Variants in DTNA observed in about 807,000 individuals in gnomAD.
DTNA encodes dystrophin-related protein 3.
In DTNA, 43 loss-of-function variants were observed where a neutral mutation model predicts 100.7. The ratio of observed to expected loss-of-function variants is 0.43; its 90% CI spans 0.33 to 0.55. DTNA has a LOEUF of 0.55. Ranked by LOEUF, DTNA falls within the 20% of genes least tolerant of loss-of-function variation. The probability of loss-of-function intolerance (pLI) is 0.04; values close to 1 mark genes in which losing one functional copy is unlikely to be tolerated. For synonymous variants in DTNA, 349 were observed against 347.9 expected, an observed-to-expected ratio of 1.00 and a Z score of -0.04; for missense variants, 798 against 953.9, an observed-to-expected ratio of 0.84 and a Z score of 2.15.
At chr18:34,787,545 A>G (rs2094549727) in intron 3 of DTNA, among the ~76,000 whole-genome samples, 1 of 152,194 alleles carries the variant, frequency 6.6e-6, no homozygotes, top group Non-Finnish European at 1.5e-5. Flanking sequence ...TACTATTTCT[A>G]ATAAAGTTTA....
chr18:34,623,722 G>T (rs2056896458), intron 1 of DTNA, among the ~76,000 whole-genome samples: 1 of 152,192 alleles, frequency 6.6e-6, no homozygotes, highest in Non-Finnish European at 1.5e-5. Flanking sequence ...GCCTAGTGAG[G>T]AAACTAAGAG....
At chr18:34,604,104 C>T (rs1203137565) in intron 1 of DTNA, among the ~76,000 whole-genome samples, 10 of 152,086 alleles carry the variant, frequency 6.6e-5, no homozygotes, top group Admixed American at 5.2e-4. Context: ...GTTATACTAC[C>T]AGCAACTCCA....
upstream of DTNA, among the ~76,000 whole-genome samples, chr18:34,707,696 G>C (rs962890371): frequency 3.3e-5 from 5 of 152,202 alleles, no homozygotes; most frequent in Admixed American, 1.3e-4. Flanking sequence ...AATGCAGTCA[G>C]TGAGAGTCTC....
At chr18:34,872,834 G>A (rs1424947519) in intron 17 of DTNA, among the ~76,000 whole-genome samples, 1 of 152,208 alleles carries the variant, frequency 6.6e-6, no homozygotes, top group Non-Finnish European at 1.5e-5. Context: ...TAGTAGTGAA[G>A]CATAGATGGA....
chr18:34,887,303 G>A (rs1021632096), intron 22 of DTNA, among the ~76,000 whole-genome samples: 2 of 152,184 alleles, frequency 1.3e-5, no homozygotes, highest in African/African-American at 4.8e-5. Flanking sequence ...AGCCCATTTA[G>A]GTATTCAATT....
chr18:34,783,021 G>A (rs935783704), intron 3 of DTNA, among the ~76,000 whole-genome samples: 7 of 152,162 alleles, frequency 4.6e-5, no homozygotes, highest in African/African-American at 1.7e-4. Flanking sequence ...CTGTCCACAG[G>A]AGAAATAAGA....
At chr18:34,863,535 A>T (rs2096656467) in intron 16 of DTNA, among the ~76,000 whole-genome samples, 1 of 152,196 alleles carries the variant, frequency 6.6e-6, no homozygotes, top group Admixed American at 6.5e-5. Context: ...ATTTCCAAAT[A>T]CTAAGGTAAT....
At chr18:34,612,607 GTA>G (rs1404384965) in intron 1 of DTNA, among the ~76,000 whole-genome samples, 1 of 152,114 alleles carries the variant, frequency 6.6e-6, no homozygotes, top group African/African-American at 2.4e-5. Context: ...AACAGGGAGA[GTA>G]TTTTCTGCCT....
At chr18:34,505,058 T>C (rs1454926573) in intron 1 of DTNA, among the ~76,000 whole-genome samples, 1 of 152,242 alleles carries the variant, frequency 6.6e-6, no homozygotes, top group African/African-American at 2.4e-5. Context: ...GAAGTGCACA[T>C]GTACTTTCTT....
intron 1 of DTNA, among the ~76,000 whole-genome samples, chr18:34,516,441 A>G (rs1254389459): frequency 6.6e-6 from 1 of 152,054 alleles, no homozygotes; most frequent in Non-Finnish European, 1.5e-5. Context: ...TTATCAGGAG[A>G]CAGGGTTTGA....
At chr18:34,858,476 G>GA (rs1166495014) in intron 16 of DTNA, 78 bp downstream of exon 16, 5 of 1,447,536 alleles carry the variant, frequency 3.5e-6, no homozygotes, top group Non-Finnish European at 4.8e-6. Flanking sequence ...TGTCTAGCCA[G>GA]AAAACAGTCC....
chr18:34,605,937 A>G (rs933068059), intron 1 of DTNA, among the ~76,000 whole-genome samples: 2 of 152,038 alleles, frequency 1.3e-5, no homozygotes. Context: ...TTGGGCTGCT[A>G]TTGTCTGTGG....
intron 1 of DTNA, among the ~76,000 whole-genome samples, chr18:34,660,294 G>A (rs187155983): frequency 4.8e-4 from 73 of 151,918 alleles, no homozygotes; most frequent in African/African-American, 1.5e-3. Flanking sequence ...GAGGAAGTGG[G>A]GGGTCAGACA....
chr18:34,589,581 C>G (rs1354666485), intron 1 of DTNA, among the ~76,000 whole-genome samples: 1 of 152,034 alleles, frequency 6.6e-6, no homozygotes, highest in South Asian at 2.1e-4. Context: ...TGTACTCCAG[C>G]CTGAGCAACA....
intron 1 of DTNA, among the ~76,000 whole-genome samples, chr18:34,643,209 T>G (rs2059487498): frequency 6.6e-6 from 1 of 152,230 alleles, no homozygotes; most frequent in African/African-American, 2.4e-5. Context: ...TGTTAACCAT[T>G]GCTGCTTTTA....
chr18:34,493,835 A>T (rs1281722892), intron 1 of DTNA: 1 of 148,136 alleles, frequency 6.8e-6, no homozygotes, highest in Non-Finnish European at 1.5e-5. Flanking sequence ...GATTCGCCTC[A>T]ACGCCCACTC....
chr18:34,532,063 T>C (rs2043192220), intron 1 of DTNA, among the ~76,000 whole-genome samples: 1 of 152,150 alleles, frequency 6.6e-6, no homozygotes, highest in Non-Finnish European at 1.5e-5. Flanking sequence ...GGTGAGGTGC[T>C]GCCCATTATT....
Position 34,821,085 on chromosome 18 carries a change from C to T in DTNA, c.1001+170C>T, listed in dbSNP as rs561147992. On this transcript the variant is annotated intron_variant, in intron 9 of 22. Coordinates refer to ENST00000444659, the MANE Select transcript of DTNA (RefSeq NM_001386795.1). ...AATTTTTTGTTGTTGTTGAGGTGTACAGTACTTCCACCAGGCTGGACAAGT... is the reference window on the plus strand; with the variant it reads ...AATTTTTTGTTGTTGTTGAGGTGTATAGTACTTCCACCAGGCTGGACAAGT... 1.1e-5 allele frequency: 10 copies of T among 919,954 alleles called. No homozygotes were observed. In the East Asian group the frequency reaches 1.3e-4, roughly 12 times the overall value. 57.0% of individuals were successfully genotyped at this position (919,954 alleles called of 1,614,324 possible).
At chr18:34,646,716 AT>A (rs1418464272) in intron 1 of DTNA, among the ~76,000 whole-genome samples, 1 of 151,900 alleles carries the variant, frequency 6.6e-6, no homozygotes, top group Non-Finnish European at 1.5e-5. Context: ...TTATTTATTT[AT>A]TTATTTTTTG....
Sources: allele counts gnomAD v4.1 joint callset (sites outside exome capture counted in the v4.1 genomes callset), GRCh38; gene constraint gnomAD v4.1.1; transcripts MANE v1.5; gene names NCBI Gene and HGNC (gene_info 2026-07-23, HGNC 2026-07-21).